The following PLEKHA8 variants were observed in gnomAD, a reference collection of about 807,000 sequenced individuals.
The protein encoded by PLEKHA8 is pleckstrin homology domain-containing family A member 8.
PLEKHA8 carries 36 observed loss-of-function variants against 68.2 expected under a neutral mutation model. The observed-to-expected ratio is 0.53, with a 90% confidence interval of 0.40 to 0.70. PLEKHA8 has a LOEUF of 0.70. PLEKHA8 is among the 30% of genes least tolerant of loss of function. PLEKHA8 has a pLI of 0.00. For missense variants in PLEKHA8, 505 were observed against 615.4 expected (o/e 0.82, Z 1.90); for synonymous variants, 211 against 216.1 (o/e 0.98, Z 0.20).
rs1212422990 is a variant in PLEKHA8 at position 30,082,168 on chromosome 7, A to T, written c.*3381A>T. On this transcript the variant is annotated 3_prime_UTR_variant, in exon 14 of 14. Coordinates refer to ENST00000449726, the MANE Select transcript of PLEKHA8 (RefSeq NM_001197026.2). ...AAGTAGTGGCTTGAGGCACCTTCTT[A>T]TCATTTTTTGCATGTTATTCTGATT... The T allele has an allele frequency of 2.0e-6, 2 of 985,260 alleles. No homozygotes were observed. Among genetic ancestry groups the T allele is most frequent in the Non-Finnish European group, 2.4e-6 (2 of 829,914 alleles). The allele number at this position is 985,260 out of a possible 1,614,324, so 61.0% of individuals were successfully genotyped here. A position where few individuals can be genotyped will look rare whatever the true frequency, so the allele number is the denominator to read the frequency against.
chr7:30,118,528 A>G (rs1796638382), intron 13 of PLEKHA8, among the ~76,000 whole-genome samples: 1 of 151,958 alleles, frequency 6.6e-6, no homozygotes, highest in South Asian at 2.1e-4. Flanking sequence ...CTTAGCTGCC[A>G]TGGCTGCTTC....
intron 13 of PLEKHA8, among the ~76,000 whole-genome samples, chr7:30,109,222 AAC>A (rs1583477530): frequency 6.6e-6 from 1 of 152,324 alleles, no homozygotes; most frequent in East Asian, 1.9e-4. Flanking sequence ...TTGGAAAGTT[AAC>A]ACAGAATTCC....
intron 9 of PLEKHA8, among the ~76,000 whole-genome samples, chr7:30,055,952 T>TG (rs1792815233): frequency 6.7e-6 from 1 of 150,288 alleles, no homozygotes; most frequent in Non-Finnish European, 1.5e-5. Flanking sequence ...TTTCTTTTTT[T>TG]TTTTTTTTGA....
chr7:30,117,951 G>A (rs763637563), intron 13 of PLEKHA8: 50 of 1,506,386 alleles, frequency 3.3e-5, no homozygotes, highest in Non-Finnish European at 3.8e-5. Flanking sequence ...AAACTGAGAC[G>A]TGGATTCATT....
intron 1 of PLEKHA8, among the ~76,000 whole-genome samples, chr7:30,030,837 G>C (rs1790605696): frequency 6.6e-6 from 1 of 152,244 alleles, no homozygotes; most frequent in South Asian, 2.1e-4. Flanking sequence ...TTCTTCGGAA[G>C]TGAGCATGTT....
intron 13 of PLEKHA8, among the ~76,000 whole-genome samples, chr7:30,108,067 C>CAAAAA (rs796801365): frequency 1.7e-4 from 9 of 52,766 alleles, no homozygotes; most frequent in East Asian, 7.7e-4. Flanking sequence ...AACTCCATCT[C>CAAAAA]AAAAAAAAAA....
intron 13 of PLEKHA8, among the ~76,000 whole-genome samples, chr7:30,104,010 G>A (rs964411485): frequency 6.6e-6 from 1 of 152,004 alleles, no homozygotes; most frequent in Non-Finnish European, 1.5e-5. Context: ...ATAATAAAAA[G>A]ACCAAAACAA....
chr7:30,070,578 A>C (rs558593246), intron 12 of PLEKHA8, among the ~76,000 whole-genome samples: 3 of 142,682 alleles, frequency 2.1e-5, no homozygotes. Flanking sequence ...CAGAGTTTCT[A>C]TGTCGCCCTG....
chr7:30,045,266 C>G, intron 2 of PLEKHA8, 65 bp downstream of exon 2: 1 of 1,196,248 alleles, frequency 8.4e-7, no homozygotes, highest in East Asian at 2.3e-5. Context: ...ACAAAAAAGC[C>G]CCTGGCCCCT....
At chr7:30,101,587 C>T (rs1358375276) in intron 13 of PLEKHA8, among the ~76,000 whole-genome samples, 1 of 152,134 alleles carries the variant, frequency 6.6e-6, no homozygotes, top group Non-Finnish European at 1.5e-5. Flanking sequence ...TAAGCACCTC[C>T]CAAAGGCCCC....
At chr7:30,061,325 G>A (rs1197873745) in intron 10 of PLEKHA8, among the ~76,000 whole-genome samples, 3 of 152,140 alleles carry the variant, frequency 2.0e-5, no homozygotes, top group South Asian at 2.1e-4. Context: ...AGTGGTCTGG[G>A]ACTCAAAAGG....
chr7:30,121,456 C>G (rs1489177587), intron 13 of PLEKHA8, among the ~76,000 whole-genome samples: 1 of 152,120 alleles, frequency 6.6e-6, no homozygotes, highest in Non-Finnish European at 1.5e-5. Context: ...TGGTGAAACC[C>G]CCTCTCTACT....
intron 9 of PLEKHA8, among the ~76,000 whole-genome samples, chr7:30,056,821 A>G (rs1430228752): frequency 1.6e-4 from 23 of 144,554 alleles, no homozygotes; most frequent in East Asian, 1.4e-3. Context: ...TATGTTATGT[A>G]TATATATGTT....
At chr7:30,129,079 A>G (rs971331663) in intron 13 of PLEKHA8, among the ~76,000 whole-genome samples, 3 of 152,216 alleles carry the variant, frequency 2.0e-5, no homozygotes, top group Non-Finnish European at 2.9e-5. Flanking sequence ...TATTCAAACT[A>G]TAGCACCCTG....
intron 12 of PLEKHA8, among the ~76,000 whole-genome samples, chr7:30,067,326 C>G (rs1331290365): frequency 6.6e-6 from 1 of 152,134 alleles, no homozygotes; most frequent in Non-Finnish European, 1.5e-5. Context: ...AAAAATTAGC[C>G]ATGTGTGGTG....
At chr7:30,058,063 A>C (rs1053048254) in intron 9 of PLEKHA8, among the ~76,000 whole-genome samples, 1 of 151,868 alleles carries the variant, frequency 6.6e-6, no homozygotes, top group Non-Finnish European at 1.5e-5. Flanking sequence ...GATATTGAGC[A>C]CTTTTTTTTT....
At chr7:30,054,607 A>C in intron 7 of PLEKHA8, 102 bp from the exon 8 acceptor site, 1 of 785,738 alleles carries the variant, frequency 1.3e-6, no homozygotes, top group South Asian at 5.2e-5. Flanking sequence ...ATGAATTTTT[A>C]TTTCTATGTA....
rs140973750 is a variant in PLEKHA8, at chr7:30,123,315, C to T, written c.1363-5951C>T. ...GGGGATAGTAGGATTAAAACTAAAC[C>T]TTAGGTCATTTGAATGCCAATCTGG... On this transcript the variant is annotated intron_variant, in intron 13 of 13. Coordinates refer to the PLEKHA8 transcript ENST00000396257. 8.8e-4 allele frequency among the ~76,000 whole-genome samples: 134 copies of T among 152,332 alleles called. No individual in the cohort carries two copies. The East Asian group carries it at 0.015, about 17-fold the overall frequency.
chr7:30,118,811 T>C (rs1357669644), intron 13 of PLEKHA8, among the ~76,000 whole-genome samples: 1 of 152,218 alleles, frequency 6.6e-6, no homozygotes, highest in Non-Finnish European at 1.5e-5. Flanking sequence ...TCTCCAGACC[T>C]TGTGATCCGC....
Sources: gnomAD v4.1 joint callset for allele counts (sites outside exome capture counted in the v4.1 genomes callset) on GRCh38, gnomAD v4.1.1 for gene constraint, MANE v1.5 for transcripts, NCBI Gene and HGNC (gene_info 2026-07-23, HGNC 2026-07-21) for gene names.